MYH15: variants seen among roughly 807,000 people sequenced by gnomAD.
MYH15 encodes the protein myosin-15.
Under a neutral mutation model 240.5 loss-of-function variants are expected in MYH15, and 227 were observed. The ratio of observed to expected loss-of-function variants is 0.94; its 90% CI spans 0.85 to 1.05. MYH15 has a LOEUF of 1.05. Ranked by LOEUF, MYH15 falls within the 50% of genes least tolerant of loss-of-function variation. The pLI, the probability that MYH15 is intolerant of heterozygous loss-of-function variation, is 0.00. For missense variants in MYH15, 2,217 were observed against 2,247.5 expected, an observed-to-expected ratio of 0.99 and a Z score of 0.27; for synonymous variants, 785 against 796.7, an observed-to-expected ratio of 0.99 and a Z score of 0.25.
At chr3:108,482,728 T>C (rs1175922681) in intron 11 of MYH15, among the ~76,000 whole-genome samples, 2 of 152,206 alleles carry the variant, frequency 1.3e-5, no homozygotes, top group Non-Finnish European at 2.9e-5. Context: ...TGTATCCTAT[T>C]ATTCCTTATT....
chr3:108,468,196 C>T (rs1196446202), intron 14 of MYH15, among the ~76,000 whole-genome samples: 1 of 152,160 alleles, frequency 6.6e-6, no homozygotes, highest in Non-Finnish European at 1.5e-5. Flanking sequence ...AAACTCCTGA[C>T]CTCAAGTGAT....
At chr3:108,398,995 C>T in intron 34 of MYH15, 80 bp downstream of exon 34, 3 of 1,500,820 alleles carry the variant, frequency 2.0e-6, no homozygotes, top group South Asian at 2.4e-5. Context: ...TACTGCTGAA[C>T]ACAATCTGTT....
intron 38 of MYH15, among the ~76,000 whole-genome samples, chr3:108,388,099 G>A (rs1449804919): frequency 1.3e-5 from 2 of 152,168 alleles, no homozygotes; most frequent in Admixed American, 1.3e-4. Context: ...AAGCTATCAT[G>A]TGCAGTGTGA....
In MYH15 at chr3:108,485,105, G is replaced by A. The variant is rs756543125; in HGVS notation, c.1100C>T (p.Ala367Val). The change falls in exon 11 of 41, where the codon GCA becomes GTA. Residue 367 changes from alanine to valine, a missense_variant. Transcript: ENST00000693548. ...GTAATTCTTACTTTCTGTGCCATCT[G>A]CTTCCAGTTGCTCTTCTCTAGGTTT... ...KQKPREEQLE[A>V]DGTENADKAA... 25 of 1,613,866 alleles carry A rather than the reference G, an allele frequency of 1.5e-5. No individual in the cohort carries two copies. The highest frequency in any genetic ancestry group is 1.9e-5 in the Non-Finnish European group (23 of 1,179,934).
chr3:108,505,912 C>A, intron 1 of MYH15, 83 bp from the exon 2 acceptor site: 1 of 823,858 alleles, frequency 1.2e-6, no homozygotes, highest in South Asian at 2.2e-5. Context: ...ACTGATAGAT[C>A]TAATCTCATT....
chr3:108,439,904 A>G lies in MYH15; in HGVS notation c.2908T>C (p.Leu970=). ...TTTAGAAACTCTACTTCCTCAGTCA[A>G]GTTCTTGACCTGTGGGAAGAAGATG... ...KRTTEHKVKN[L]TEEVEFLNED... is the part of the protein sequence containing the mutation. Residue 970 remains leucine (L), a synonymous_variant, in exon 24 of 41, where the codon TTG becomes CTG. Coordinates refer to ENST00000693548, the MANE Select transcript of MYH15 (RefSeq NM_014981.3). 1 of 1,597,346 alleles carries G rather than the reference A, an allele frequency of 6.3e-7. No homozygotes were observed. Among genetic ancestry groups the G allele is most frequent in the Non-Finnish European group, 8.5e-7 (1 of 1,172,652 alleles).
At position 108,399,096 on chromosome 3, in the gene MYH15, G is replaced by T. The variant is rs770503830; in HGVS notation, c.4908C>A (p.Gly1636=). The T allele has an allele frequency of 6.2e-7, 1 of 1,613,808 alleles. No homozygotes were observed. The highest frequency in any genetic ancestry group is 1.7e-5 in the Admixed American group (1 of 59,968). ...ATACCTTGATTTGAATCTGAAGCTG[G>T]CCCAGGGATTTGGTTGCTTCTGACA... ...RQVSEATKSL[G]QLQIQIKDLQ... Residue 1636 remains glycine, a synonymous_variant, in exon 34 of 41, where the codon GGC becomes GGA. Coordinates refer to ENST00000693548, the MANE Select transcript of MYH15 (RefSeq NM_014981.3).
chr3:108,473,549 TC>T (rs532190448), intron 12 of MYH15, among the ~76,000 whole-genome samples: 26 of 152,334 alleles, frequency 1.7e-4, no homozygotes, highest in African/African-American at 6.3e-4. Flanking sequence ...GAGTGGTTAA[TC>T]TTTCTAAGGG....
At chr3:108,543,071 A>T in the MYH15 span, among the ~76,000 whole-genome samples, 2 of 151,834 alleles carry the variant, frequency 1.3e-5, no homozygotes, top group Admixed American at 6.6e-5. Context: ...AGTAGAGATG[A>T]GGTTTCACCA....
chr3:108,391,636 A>G (rs2082423207), intron 37 of MYH15, 124 bp downstream of exon 37: 2 of 1,039,282 alleles, frequency 1.9e-6, no homozygotes, highest in Non-Finnish European at 2.8e-6. Context: ...TAAATATCTG[A>G]AAGTACTAAA....
intron 9 of MYH15, among the ~76,000 whole-genome samples, chr3:108,487,928 G>T (rs1345069461): frequency 1.3e-5 from 2 of 152,004 alleles, no homozygotes; most frequent in Admixed American, 1.3e-4. Flanking sequence ...TACAGTACTT[G>T]TTTTTGAAAT....
chr3:108,499,253 G>A (rs927966144), intron 5 of MYH15, among the ~76,000 whole-genome samples: 2 of 152,188 alleles, frequency 1.3e-5, no homozygotes, highest in Non-Finnish European at 2.9e-5. Flanking sequence ...AGGCAGACTA[G>A]CTGACCCCAT....
chr3:108,507,129 C>G (rs1296484473), intron 1 of MYH15, among the ~76,000 whole-genome samples: 1 of 151,184 alleles, frequency 6.6e-6, no homozygotes, highest in African/African-American at 2.4e-5. Context: ...TCACTTGAAC[C>G]CAGGAGTTGG....
chr3:108,455,694 C>T (rs748685171), intron 20 of MYH15, 42 bp downstream of exon 20: 41 of 1,603,082 alleles, frequency 2.6e-5, no homozygotes, highest in Non-Finnish European at 3.5e-5. Context: ...CAGTCTTCCC[C>T]CCATTCGTCT....
At position 108,498,089 on chromosome 3, in the gene MYH15, G is replaced by T. The variant is rs1267567924; in HGVS notation, c.581C>A (p.Ala194Asp). 1 of 1,614,000 alleles carries T rather than the reference G, an allele frequency of 6.2e-7. No homozygotes were observed. The highest frequency in any genetic ancestry group is 1.7e-5 in the Admixed American group (1 of 60,014). The change falls in exon 6 of 41, where the codon GCC becomes GAC. Residue 194 changes from alanine (A) to aspartate (D), a missense_variant. Transcript: ENST00000693548. ...GGATTCAATCATGGCTGCTATGGTG[G>T]CAAAATACTGGATAATATGTTTGCT... ...VNSKHIIQYF[A>D]TIAAMIESRK...
chr3:108,393,457 C>T (rs2082435986), intron 36 of MYH15, among the ~76,000 whole-genome samples: 1 of 152,190 alleles, frequency 6.6e-6, no homozygotes. Context: ...TTTTTTCAGT[C>T]CCTATGAAGG....
rs765935868 is a variant in MYH15, at chr3:108,470,205, C to T, written c.1391G>A (p.Ser464Asn). Residue 464 changes from serine (S) to asparagine (N), a missense_variant, in exon 14 of 41, where the codon AGC (serine) becomes AAC (asparagine). Ser to Asn is a conservative substitution (Grantham distance 46, BLOSUM62 1). Coordinates refer to ENST00000693548, the MANE Select transcript of MYH15 (RefSeq NM_014981.3). ...ITGFEILEYN[S>N]LEQLCINFTN... Reference sequence around the variant, plus strand: ...AAAATTAATGCAAAGTTGCTCAAGGCTATTATACTTCAAGGATATGAATAG... The same window carrying T: ...AAAATTAATGCAAAGTTGCTCAAGGTTATTATACTTCAAGGATATGAATAG... 1.0e-5 allele frequency: 16 copies of T among 1,598,176 alleles called. No individual in the cohort carries two copies. In the African/African-American group the frequency reaches 1.2e-4, roughly 12 times the overall value.
chr3:108,533,592 G>T (rs943694327), upstream of MYH15, among the ~76,000 whole-genome samples: 1 of 152,038 alleles, frequency 6.6e-6, no homozygotes, highest in East Asian at 1.9e-4. Flanking sequence ...GCAAGCAAAA[G>T]GTTTCAAAGT....
intron 6 of MYH15, 31 bp downstream of exon 6, chr3:108,498,021 A>G: frequency 2.5e-6 from 4 of 1,597,042 alleles, no homozygotes; most frequent in Non-Finnish European, 3.4e-6. Flanking sequence ...GGGCCACCTC[A>G]TCTTTTCTAC....
Sources: gnomAD v4.1 joint callset for allele counts (sites outside exome capture counted in the v4.1 genomes callset) on GRCh38, gnomAD v4.1.1 for gene constraint, MANE v1.5 for transcripts, NCBI Gene and HGNC (gene_info 2026-07-23, HGNC 2026-07-21) for gene names.